The following ITGAE variants were observed in gnomAD, a reference collection of about 807,000 sequenced individuals.
ITGAE encodes the protein integrin alpha-E.
A neutral mutation model predicts 136.5 loss-of-function variants in ITGAE; 99 were observed. That is an observed-to-expected ratio of 0.73 (90% CI 0.62 to 0.86). The LOEUF is 0.86. ITGAE is among the 40% of genes least tolerant of loss of function. The probability of loss-of-function intolerance (pLI) is 0.00; values close to 1 mark genes in which losing one functional copy is unlikely to be tolerated. For missense variants in ITGAE, 1,447 were observed against 1,515.3 expected, an observed-to-expected ratio of 0.95 and a Z score of 0.75; for synonymous variants, 613 against 591.8, an observed-to-expected ratio of 1.04 and a Z score of -0.52.
chr17:3,763,546 G>C (rs1164955796), intron 3 of ITGAE, among the ~76,000 whole-genome samples: 4 of 152,120 alleles, frequency 2.6e-5, no homozygotes, highest in African/African-American at 9.7e-5. Context: ...CTGAACTGTA[G>C]CTTCCTCTCT....
At chr17:3,728,522 G>C (rs1329015796) in intron 24 of ITGAE, 1 of 192,260 alleles carries the variant, frequency 5.2e-6, no homozygotes, top group Admixed American at 5.5e-5. Flanking sequence ...ACAGGCGCCT[G>C]CCACCACACC....
chr17:3,721,260 CTTTTTT>C (rs869087347), intron 28 of ITGAE, among the ~76,000 whole-genome samples: 11 of 46,216 alleles, frequency 2.4e-4, no homozygotes, highest in Non-Finnish European at 3.3e-4. Flanking sequence ...GAGATTTTTC[CTTTTTT>C]TTTTTTTTTT....
At chr17:3,780,110 A>C (rs1213385001) in intron 1 of ITGAE, among the ~76,000 whole-genome samples, 1 of 150,772 alleles carries the variant, frequency 6.6e-6, no homozygotes, top group Non-Finnish European at 1.5e-5. Context: ...AGTAGCTGGG[A>C]TTACAGGCAT....
rs965748798 is a variant in ITGAE, at chr17:3,780,518, G to A, written c.35-2858C>T. Among the ~76,000 whole-genome samples, 3 of 148,882 alleles carry A rather than the reference G, an allele frequency of 2.0e-5. No homozygotes were observed. The Admixed American group carries it at 2.0e-4, about 10-fold the overall frequency. ...TCTCCATGTTGGTCAGGCTAGTTTC[G>A]AACTCCTGACCTCAGCTGATCCGCC... On this transcript the variant is annotated intron_variant, in intron 1 of 30. Coordinates refer to ENST00000263087, the MANE Select transcript of ITGAE (RefSeq NM_002208.5).
Position 3,798,699 on chromosome 17 carries a change from T to C in ITGAE, c.34+2412A>G, listed in dbSNP as rs1050327034. 6.6e-6 allele frequency among the ~76,000 whole-genome samples: 1 copy of C among 152,130 alleles called. No homozygotes were observed. The highest frequency in any genetic ancestry group is 2.4e-5 in the African/African-American group (1 of 41,422). On this transcript the variant is annotated intron_variant, in intron 1 of 30. Transcript: ENST00000263087. This position sits in a 1 kb window ranked among gnomAD's most constrained non-coding sequence, Gnocchi z 4.3. ...CTTCTGGTTCCTTCTTCTTCACCCC[T>C]GTAAGGTGTTGTAGGCTGACAGGAC...
Position 3,760,276 on chromosome 17 carries a change from CA to C in ITGAE, c.609del (p.Ile203MetfsTer26), listed in dbSNP as rs755972092. 1.2e-6 allele frequency: 2 copies of C among 1,611,600 alleles called. No individual in the cohort carries two copies. Among genetic ancestry groups the C allele is most frequent in the East Asian group, 2.2e-5 (1 of 44,866 alleles). On this transcript the variant is annotated frameshift_variant, in exon 7 of 31. Coordinates refer to ENST00000263087, the MANE Select transcript of ITGAE (RefSeq NM_002208.5). LOFTEE classifies it high-confidence loss of function. The stretch of plus-strand genomic sequence containing the variant: ...CTTCCTGAGCCATCCAGGATGATGG[CA>C]ATCTCGGTGCCTGGCCAAGACAAAC... Reference protein sequence around the residue: ...DEEEEEAGTEIAIILDGSGSI... With the variant: ...DEEEEEAGTEXAIILDGSGSI...
intron 3 of ITGAE, 62 bp from the exon 4 acceptor site, chr17:3,762,044 C>T: frequency 1.4e-6 from 2 of 1,462,044 alleles, no homozygotes; most frequent in Non-Finnish European, 9.5e-7. Flanking sequence ...GACCCGAAGC[C>T]AAGGTCAGAG....
chr17:3,731,933 G>A (rs116507675), intron 22 of ITGAE, among the ~76,000 whole-genome samples: 1,594 of 151,958 alleles, frequency 0.01, 28 homozygotes, highest in African/African-American at 0.036. Context: ...AAAATTAGCC[G>A]GGTGTAGTGC....
intron 22 of ITGAE, 90 bp downstream of exon 22, chr17:3,732,278 G>T: frequency 1.0e-6 from 1 of 995,082 alleles, no homozygotes; most frequent in Non-Finnish European, 1.6e-6. Flanking sequence ...GAAGCGCAAA[G>T]CTGGAACCGA....
intron 30 of ITGAE, among the ~76,000 whole-genome samples, chr17:3,716,271 AC>A (rs1220246083): frequency 8.0e-6 from 1 of 124,670 alleles, no homozygotes; most frequent in East Asian, 2.2e-4. Flanking sequence ...GCACATTAAG[AC>A]AGGGGAAGGC....
At chr17:3,748,193 G>A (rs2051767693) in intron 16 of ITGAE, 141 bp from the exon 17 acceptor site, 4 of 773,890 alleles carry the variant, frequency 5.2e-6, no homozygotes, top group Non-Finnish European at 7.8e-6. Context: ...GGTACAGTGG[G>A]GAAAGAGACA....
At chr17:3,744,445 TC>T (rs527818403) in intron 18 of ITGAE, among the ~76,000 whole-genome samples, 2 of 134,620 alleles carry the variant, frequency 1.5e-5, no homozygotes, top group South Asian at 2.4e-4. Flanking sequence ...AAGTTCTTTC[TC>T]TTTTTTTTTT....
rs1320101792 is a variant in ITGAE, at chr17:3,801,099, G to A, written c.34+12C>T. ...ACAGCAGCCCCTCGAAGCAGCGGGTGAGAGGACTTACTGGCTATGCAGAGC... is the reference window on the plus strand; with the variant it reads ...ACAGCAGCCCCTCGAAGCAGCGGGTAAGAGGACTTACTGGCTATGCAGAGC... On this transcript the variant is annotated intron_variant, in intron 1 of 30. Transcript: ENST00000263087. The A allele has an allele frequency of 6.2e-7, 1 of 1,612,926 alleles. No individual in the cohort carries two copies. Among genetic ancestry groups the A allele is most frequent in the African/African-American group, 1.3e-5 (1 of 74,942 alleles).
chr17:3,734,795 C>G, intron 21 of ITGAE, 22 bp downstream of exon 21: 1 of 1,613,678 alleles, frequency 6.2e-7, no homozygotes. Flanking sequence ...GGACCTGTTT[C>G]CACAGCCACC....
Position 3,766,175 on chromosome 17 carries a change from G to A in ITGAE, c.156-2215C>T, listed in dbSNP as rs184086199. 1.8e-3 allele frequency among the ~76,000 whole-genome samples: 281 copies of A among 152,296 alleles called. 1 individual carries two copies. The highest frequency in any genetic ancestry group is 6.2e-3 in the African/African-American group (256 of 41,564). On this transcript the variant is annotated intron_variant, in intron 2 of 30. Transcript: ENST00000263087. ...CAGGGGGACGTTGAGGCAGGCAGAGGGGAGAAGTGGCGAGACTGCAGGGAA... is the reference window on the plus strand; with the variant it reads ...CAGGGGGACGTTGAGGCAGGCAGAGAGGAGAAGTGGCGAGACTGCAGGGAA...
In ITGAE at chr17:3,743,498, G is replaced by A. The variant is rs1440017188; in HGVS notation, c.2439C>T (p.Ala813=). Residue 813 remains alanine, a synonymous_variant, in exon 19 of 31, where the codon GCC becomes GCT. Coordinates refer to ENST00000263087, the MANE Select transcript of ITGAE (RefSeq NM_002208.5). ...CTGTGGGTAGAGTCACCTGGAAGAT[G>A]GCAAAGGGCTCAGTGTAGCGGTCCA... The part of the protein sequence containing the change: ...PILDRYTEPF[A]IFQLPYEKAC... 6.3e-7 allele frequency: 1 copy of A among 1,595,406 alleles called. No homozygotes were observed. Among genetic ancestry groups the A allele is most frequent in the South Asian group, 1.1e-5 (1 of 88,372 alleles).
chr17:3,754,242 G>T (rs367726568), intron 12 of ITGAE, among the ~76,000 whole-genome samples: 2 of 152,028 alleles, frequency 1.3e-5, no homozygotes, highest in African/African-American at 4.8e-5. Flanking sequence ...AGGGGTGAGA[G>T]GACGCCCACC....
At chr17:3,754,928 C>T (rs142161068) in intron 12 of ITGAE, among the ~76,000 whole-genome samples, 189 bp downstream of exon 12, 3,834 of 120,764 alleles carry the variant, frequency 0.032, 180 homozygotes, top group African/African-American at 0.069. Context: ...CCAGGTAGCC[C>T]CCAGGCCCCA....
At chr17:3,743,673 A>G (rs936605627) in intron 18 of ITGAE, 56 bp from the exon 19 acceptor site, 7 of 1,518,782 alleles carry the variant, frequency 4.6e-6, no homozygotes, top group African/African-American at 1.5e-5. Flanking sequence ...AGAAGATGAC[A>G]ACAATAATGC....
Sources: gnomAD v4.1 joint callset for allele counts (sites outside exome capture counted in the v4.1 genomes callset) on GRCh38, gnomAD v4.1.1 for gene constraint, Gnocchi (gnomAD v3.1) non-coding constraint, MANE v1.5 for transcripts, NCBI Gene and HGNC (gene_info 2026-07-23, HGNC 2026-07-21) for gene names.